Variants in ERP27 observed in about 807,000 individuals in gnomAD.
ERP27 encodes endoplasmic reticulum resident protein 27.
In ERP27, 23 loss-of-function variants were observed where a neutral mutation model predicts 27.7. The ratio of observed to expected loss-of-function variants is 0.83; its 90% CI spans 0.60 to 1.18. The LOEUF (loss-of-function observed/expected upper bound fraction) is 1.18. Among genes scored for constraint, ERP27 ranks in the 50% most tolerant of loss-of-function variants. The probability of loss-of-function intolerance (pLI) is 0.00; values close to 1 mark genes in which losing one functional copy is unlikely to be tolerated. For synonymous variants in ERP27, 159 were observed against 118.3 expected, an observed-to-expected ratio of 1.34 and a Z score of -2.23; for missense variants, 363 against 327.9, an observed-to-expected ratio of 1.11 and a Z score of -0.83.
chr12:14,922,471 T>C (rs1863519676), intron 3 of ERP27, among the ~76,000 whole-genome samples: 1 of 1,234 alleles, frequency 8.1e-4, no homozygotes, highest in Non-Finnish European at 1.4e-3. Context: ...ATTTTTCTTT[T>C]GTCTATCTTT....
rs1464519422 is a variant in ERP27, at chr12:14,917,281, C to A, written c.473G>T (p.Ser158Ile). Residue 158 changes from serine (S) to isoleucine (I), a missense_variant, in exon 5 of 7, where the codon AGC (serine) becomes ATC (isoleucine). Physicochemically the swap from Ser to Ile is moderately radical, Grantham distance 142. Coordinates refer to ENST00000266397, the MANE Select transcript of ERP27 (RefSeq NM_152321.4). The stretch of plus-strand genomic sequence containing the variant: ...CAGGAGGAGATGAATCTGAATTACG[C>A]TGTTGAATAACCCAATCACAGTCTG... ...NPVTVIGLFN[S>I]VIQIHLLLIM... The A allele has an allele frequency of 6.2e-7, 1 of 1,614,030 alleles. No individual in the cohort carries two copies. Among genetic ancestry groups the A allele is most frequent in the Non-Finnish European group, 8.5e-7 (1 of 1,180,020 alleles).
intron 3 of ERP27, chr12:14,929,219 G>A: frequency 1.8e-6 from 2 of 1,131,040 alleles, no homozygotes; most frequent in Admixed American, 3.4e-5. Context: ...GTTACTCTGG[G>A]TGTTTCTGGA....
chr12:14,933,590 A>C (rs1863729996), intron 3 of ERP27, among the ~76,000 whole-genome samples: 1 of 152,180 alleles, frequency 6.6e-6, no homozygotes, highest in African/African-American at 2.4e-5. Flanking sequence ...AAAGGATGGA[A>C]ACTAGAAGGG....
At chr12:14,919,063 T>G (rs968881337) in intron 4 of ERP27, among the ~76,000 whole-genome samples, 1 of 152,186 alleles carries the variant, frequency 6.6e-6, no homozygotes, top group African/African-American at 2.4e-5. Flanking sequence ...ACTGAGTGTG[T>G]GCATTAAAAG....
At chr12:14,919,984 A>G (rs575424882) in intron 4 of ERP27, among the ~76,000 whole-genome samples, 36 of 152,348 alleles carry the variant, frequency 2.4e-4, no homozygotes, top group African/African-American at 8.4e-4. Context: ...TGAAAAAATG[A>G]GGATGAAAGG....
At chr12:14,917,002 G>T (rs1346408945) in intron 5 of ERP27, among the ~76,000 whole-genome samples, 176 bp downstream of exon 5, 1 of 152,148 alleles carries the variant, frequency 6.6e-6, no homozygotes, top group Non-Finnish European at 1.5e-5. Flanking sequence ...CCTTTAATAT[G>T]ATAAAATACA....
chr12:14,921,185 TA>T, intron 3 of ERP27, 137 bp from the exon 4 acceptor site: 1 of 681,766 alleles, frequency 1.5e-6, no homozygotes, highest in South Asian at 1.8e-5. Flanking sequence ...TTCTCTGCCC[TA>T]GGGGGACAAA....
At chr12:14,937,931 A>T in intron 2 of ERP27, 21 bp downstream of exon 2, 1 of 1,603,072 alleles carries the variant, frequency 6.2e-7, no homozygotes, top group Non-Finnish European at 8.5e-7. Context: ...CTCTTGGGGG[A>T]ATTGCAAGTA....
chr12:14,922,621 A>G (rs1053926476), intron 3 of ERP27, among the ~76,000 whole-genome samples: 1 of 152,174 alleles, frequency 6.6e-6, no homozygotes, highest in African/African-American at 2.4e-5. Context: ...AGTTAAAGTT[A>G]TCATCTTTAT....
chr12:14,931,819 A>G (rs1402065595), intron 3 of ERP27, among the ~76,000 whole-genome samples: 1 of 152,156 alleles, frequency 6.6e-6, no homozygotes, highest in African/African-American at 2.4e-5. Context: ...TATAAGACCG[A>G]CAAACGAAAA....
chr12:14,919,455 T>C (rs941936681), intron 4 of ERP27, among the ~76,000 whole-genome samples: 12 of 152,204 alleles, frequency 7.9e-5, no homozygotes, highest in Non-Finnish European at 1.8e-4. Flanking sequence ...TCATCTTTTC[T>C]GGCCCCACAT....
intron 3 of ERP27, among the ~76,000 whole-genome samples, chr12:14,933,711 A>G (rs535172483): frequency 1.3e-5 from 2 of 152,360 alleles, no homozygotes; most frequent in Admixed American, 6.5e-5. Flanking sequence ...GACCAATGAA[A>G]GCATCAGAAA....
chr12:14,926,849 C>T (rs567107266), intron 3 of ERP27, among the ~76,000 whole-genome samples: 1 of 152,252 alleles, frequency 6.6e-6, no homozygotes, highest in South Asian at 2.1e-4. Context: ...CACATATTTG[C>T]ATTTTAGCTT....
At chr12:14,923,488 AATCAATCT>A (rs1298121874) in intron 3 of ERP27, among the ~76,000 whole-genome samples, 1,354 of 111,976 alleles carry the variant, frequency 0.012, 14 homozygotes, top group African/African-American at 0.015. Context: ...ATCTATCTAT[AATCAATCT>A]ATCTATCTAT....
intron 3 of ERP27, 37 bp from the exon 4 acceptor site, chr12:14,921,085 T>C: frequency 6.4e-7 from 1 of 1,560,520 alleles, no homozygotes; most frequent in Non-Finnish European, 8.8e-7. Context: ...CACTATTCCA[T>C]CTTTTTTTCA....
At chr12:14,933,314 CAGG>C (rs1003235216) in intron 3 of ERP27, among the ~76,000 whole-genome samples, 1 of 152,036 alleles carries the variant, frequency 6.6e-6, no homozygotes, top group African/African-American at 2.4e-5. Flanking sequence ...GCAGGAGGAT[CAGG>C]AGAAGTAGTT....
chr12:14,928,823 AC>A (rs1863651831), intron 3 of ERP27: 1 of 965,162 alleles, frequency 1.0e-6, no homozygotes, highest in East Asian at 2.6e-5. Context: ...ATCCTTGCCC[AC>A]CCTCCTACCA....
intron 3 of ERP27, among the ~76,000 whole-genome samples, chr12:14,928,158 C>T (rs550476985): frequency 1.8e-4 from 27 of 152,318 alleles, no homozygotes; most frequent in Non-Finnish European, 2.6e-4. Flanking sequence ...CCTCCATGTG[C>T]TATCTGTATA....
chr12:14,932,364 G>C (rs572033976), intron 3 of ERP27, among the ~76,000 whole-genome samples: 1 of 152,234 alleles, frequency 6.6e-6, no homozygotes, highest in Non-Finnish European at 1.5e-5. Context: ...TGGAGTATGA[G>C]AAGGAGTCAT....
Sources: gnomAD v4.1 joint callset for allele counts (sites outside exome capture counted in the v4.1 genomes callset) on GRCh38, gnomAD v4.1.1 for gene constraint, MANE v1.5 for transcripts, NCBI Gene and HGNC (gene_info 2026-07-23, HGNC 2026-07-21) for gene names.